Variants in EPHA5 observed in about 807,000 individuals in gnomAD.
EPHA5 encodes the protein ephrin type-A receptor 5.
In EPHA5, 60 loss-of-function variants were observed where a neutral mutation model predicts 105.0. The ratio of observed to expected loss-of-function variants is 0.57; its 90% CI spans 0.46 to 0.71. The LOEUF (loss-of-function observed/expected upper bound fraction) is 0.71, where lower values mean the gene tolerates loss of function less well. Among genes scored for constraint, EPHA5 ranks in the 30% least tolerant of loss-of-function variants. EPHA5 has a pLI of 0.00. For synonymous variants in EPHA5, 513 were observed against 449.1 expected (o/e 1.14, Z -1.80); for missense variants, 1,218 against 1,274.7 (o/e 0.96, Z 0.68).
intron 8 of EPHA5, among the ~76,000 whole-genome samples, chr4:65,399,914 A>G (rs892030417): frequency 3.9e-5 from 6 of 152,198 alleles, no homozygotes; most frequent in African/African-American, 1.4e-4. Context: ...TTTCCTTTGT[A>G]TGTCTATACC....
At chr4:65,380,066 C>G (rs572197747) in intron 8 of EPHA5, among the ~76,000 whole-genome samples, 58 of 151,802 alleles carry the variant, frequency 3.8e-4, no homozygotes, top group African/African-American at 1.4e-3. Flanking sequence ...TGCTTAGAAG[C>G]TCAGAGATGA....
chr4:65,360,050 C>G (rs1025693043), intron 11 of EPHA5, among the ~76,000 whole-genome samples: 3 of 151,578 alleles, frequency 2.0e-5, no homozygotes, highest in Non-Finnish European at 4.4e-5. Flanking sequence ...CATTGCTAGT[C>G]CCTCTTCCTG....
In EPHA5 at chr4:65,488,885, A is replaced by ATTTTTTTTTTTTT. The variant is rs5858962; in HGVS notation, c.1402+1479_1402+1491dup. ...ATCAACTCTGAACTCAGCTGCATGC[A>ATTTTTTTTTTTTT]TTTTTTTTTTTTTTTTTTGAGACGG... On this transcript the variant is annotated intron_variant, in intron 5 of 16. Coordinates refer to ENST00000613740, the MANE Select transcript of EPHA5 (RefSeq NM_001281766.3). 2.5e-5 allele frequency among the ~76,000 whole-genome samples: 3 copies of ATTTTTTTTTTTTT among 117,790 alleles called. 1 individual carries two copies. The highest frequency in any genetic ancestry group is 2.5e-4 in the East Asian group (1 of 4,036). The allele number at this position is 117,790 out of a possible 152,430, so 77.3% of individuals were successfully genotyped here.
intron 13 of EPHA5, among the ~76,000 whole-genome samples, chr4:65,351,142 TTTA>T (rs1177816600): frequency 6.6e-6 from 1 of 151,968 alleles, no homozygotes; most frequent in Non-Finnish European, 1.5e-5. Context: ...AGTAAGATTT[TTTA>T]TTTTTAGTAT....
chr4:65,578,653 G>C (rs1267133583), intron 3 of EPHA5, among the ~76,000 whole-genome samples: 1 of 152,182 alleles, frequency 6.6e-6, no homozygotes, highest in African/African-American at 2.4e-5. Flanking sequence ...AATTAAAAGT[G>C]TGTATATTAT....
chr4:65,456,028 T>A (rs1578154927), intron 5 of EPHA5, among the ~76,000 whole-genome samples: 1 of 152,292 alleles, frequency 6.6e-6, no homozygotes, highest in South Asian at 2.1e-4. Flanking sequence ...CATTCACAAG[T>A]ACATTATTTT....
chr4:65,431,306 C>T (rs1169346853), intron 5 of EPHA5, among the ~76,000 whole-genome samples: 4 of 151,976 alleles, frequency 2.6e-5, no homozygotes, highest in Non-Finnish European at 4.4e-5. Flanking sequence ...ATACAGATAG[C>T]CATAAATATC....
chr4:65,517,353 G>A (rs1293768380), intron 3 of EPHA5, among the ~76,000 whole-genome samples: 2 of 151,448 alleles, frequency 1.3e-5, no homozygotes, highest in African/African-American at 2.4e-5. Context: ...ACCCATCTGT[G>A]TCTTTATATT....
chr4:65,627,518 T>G (rs1746260268), intron 2 of EPHA5, among the ~76,000 whole-genome samples: 1 of 152,158 alleles, frequency 6.6e-6, no homozygotes, highest in Admixed American at 6.5e-5. Context: ...ATTCAGCAAC[T>G]TCAGTCCTCT....
At position 65,420,517 on chromosome 4, in the gene EPHA5, C is replaced by T. The variant is rs746116670; in HGVS notation, c.1451G>A (p.Ser484Asn). 3.1e-5 allele frequency: 50 copies of T among 1,612,888 alleles called. No individual in the cohort carries two copies. Among genetic ancestry groups the T allele is most frequent in the Non-Finnish European group, 4.2e-5 (50 of 1,179,458 alleles). Residue 484 changes from serine (S) to asparagine (N), a missense_variant, in exon 6 of 17, where the codon AGC becomes AAC. Ser to Asn is a conservative substitution (Grantham distance 46). Transcript: ENST00000613740. ...TGGTTCTTGCCAAGACAAAGAGATG[C>T]TGTTTTTTGCAATTTTCCCTTTTTT... ...NVKKGKIAKN[S>N]ISLSWQEPDR...
chr4:65,572,817 G>A (rs2149378382), intron 3 of EPHA5, among the ~76,000 whole-genome samples: 1 of 150,382 alleles, frequency 6.6e-6, no homozygotes, highest in African/African-American at 2.4e-5. Context: ...GATAACCTGA[G>A]GTCAGGAGTT....
At chr4:65,663,233 A>C (rs913149177) in intron 1 of EPHA5, among the ~76,000 whole-genome samples, 1 of 152,120 alleles carries the variant, frequency 6.6e-6, no homozygotes, top group Non-Finnish European at 1.5e-5. Flanking sequence ...GTTTTCAGGC[A>C]ATTTTTAAAT....
chr4:65,472,071 C>T (rs900956681), intron 5 of EPHA5, among the ~76,000 whole-genome samples: 1 of 152,132 alleles, frequency 6.6e-6, no homozygotes, highest in Non-Finnish European at 1.5e-5. Context: ...GTTAGTTCCT[C>T]CCAAGATACA....
At position 65,529,415 on chromosome 4, in the gene EPHA5, C is replaced by T. The variant is rs140757840; in HGVS notation, c.911-33872G>A. On this transcript the variant is annotated intron_variant, in intron 3 of 16. Coordinates refer to ENST00000613740, the MANE Select transcript of EPHA5 (RefSeq NM_001281766.3). ...ATACCTATGTTTATCTGTGTGCATA[C>T]GTATGCATATTATATGCACACACAC... Among the ~76,000 whole-genome samples the T allele has an allele frequency of 4.5e-3, 686 of 152,040 alleles. 5 individuals are homozygous for T. The highest frequency in any genetic ancestry group is 0.016 in the African/African-American group (649 of 41,502).
intron 5 of EPHA5, among the ~76,000 whole-genome samples, chr4:65,436,664 G>C (rs1227496116): frequency 6.6e-6 from 1 of 151,900 alleles, no homozygotes; most frequent in Non-Finnish European, 1.5e-5. Flanking sequence ...GAACAGTGTA[G>C]TATTTATTTT....
chr4:65,601,385 G>C (rs1578545070), intron 3 of EPHA5, among the ~76,000 whole-genome samples: 1 of 152,258 alleles, frequency 6.6e-6, no homozygotes, highest in East Asian at 1.9e-4. Context: ...TAAAAGCAAA[G>C]TGAATATGAA....
chr4:65,666,239 T>C (rs1332399642), intron 1 of EPHA5, among the ~76,000 whole-genome samples: 2 of 152,180 alleles, frequency 1.3e-5, no homozygotes, highest in Admixed American at 1.3e-4. Flanking sequence ...GACAAGAAAC[T>C]GGACTTTTTA....
In EPHA5 at chr4:65,506,945, C is replaced by A. The variant is rs528806155; in HGVS notation, c.911-11402G>T. Among the ~76,000 whole-genome samples the A allele has an allele frequency of 3.9e-3, 600 of 152,052 alleles. 6 individuals are homozygous for A. Among genetic ancestry groups the A allele is most frequent in the African/African-American group, 0.014 (574 of 41,370 alleles). ...TTTAGACATGAAGTCCTTGCCCATG[C>A]CTATGTCCTGAACGGTATTGCCTAG... On this transcript the variant is annotated intron_variant, in intron 3 of 16. Coordinates refer to ENST00000613740, the MANE Select transcript of EPHA5 (RefSeq NM_001281766.3).
intron 3 of EPHA5, among the ~76,000 whole-genome samples, chr4:65,539,215 G>A (rs149907255): frequency 6.6e-6 from 1 of 151,776 alleles, no homozygotes; most frequent in East Asian, 1.9e-4. Flanking sequence ...TCCCATAAAT[G>A]AGCTGTGGAA....
Sources: gnomAD v4.1 joint callset for allele counts (sites outside exome capture counted in the v4.1 genomes callset) on GRCh38, gnomAD v4.1.1 for gene constraint, MANE v1.5 for transcripts, NCBI Gene and HGNC (gene_info 2026-07-23, HGNC 2026-07-21) for gene names.